SLCO3A1: variants seen among roughly 807,000 people sequenced by gnomAD.
SLCO3A1 encodes the protein PGE1 transporter.
SLCO3A1 carries 27 observed loss-of-function variants against 63.1 expected under a neutral mutation model. The ratio of observed to expected loss-of-function variants is 0.43; its 90% CI spans 0.32 to 0.59. SLCO3A1 has a LOEUF of 0.59. SLCO3A1 is among the 20% of genes least tolerant of loss of function. SLCO3A1 has a pLI of 0.09. For synonymous variants in SLCO3A1, 473 were observed against 409.9 expected, an observed-to-expected ratio of 1.15 and a Z score of -1.86; for missense variants, 773 against 945.8, an observed-to-expected ratio of 0.82 and a Z score of 2.40.
chr15:92,090,591 T>C (rs1430123193), intron 2 of SLCO3A1, among the ~76,000 whole-genome samples: 1 of 151,974 alleles, frequency 6.6e-6, no homozygotes, highest in African/African-American at 2.4e-5. Context: ...ATCCAGTCAG[T>C]CTGGATGCTG....
chr15:92,122,563 G>A (rs114748948), intron 5 of SLCO3A1, among the ~76,000 whole-genome samples: 1,581 of 152,308 alleles, frequency 0.01, 30 homozygotes, highest in African/African-American at 0.036. Context: ...GAATGCAAAT[G>A]GGTGCTGCCA....
At chr15:92,139,814 G>C (rs930275167) in intron 7 of SLCO3A1, among the ~76,000 whole-genome samples, 2 of 150,990 alleles carry the variant, frequency 1.3e-5, no homozygotes, top group African/African-American at 4.9e-5. Context: ...TGGGGGATCG[G>C]TGGTGATATC....
At chr15:92,084,615 A>G (rs1271386681) in intron 2 of SLCO3A1, among the ~76,000 whole-genome samples, 1 of 152,180 alleles carries the variant, frequency 6.6e-6, no homozygotes, top group Non-Finnish European at 1.5e-5. Context: ...AGGGGAGCTG[A>G]TAGCAGTCCC....
At chr15:92,047,039 T>A (rs1282201926) in intron 2 of SLCO3A1, among the ~76,000 whole-genome samples, 1 of 60,048 alleles carries the variant, frequency 1.7e-5, no homozygotes, top group African/African-American at 7.3e-5. Context: ...TATATATATA[T>A]AAATATATAT....
rs1567146430 is a variant in SLCO3A1, at chr15:92,147,237, CAG to C, written c.1688+80_1688+81del. 1.6e-5 allele frequency: 22 copies of C among 1,413,668 alleles called. No homozygotes were observed. In the Admixed American group the frequency reaches 4.5e-4, roughly 29 times the overall value. The allele number at this position is 1,413,668 out of a possible 1,614,324, so 87.6% of individuals were successfully genotyped here. ...GCAGGCCTCCTAGGGACCAGAGCTT[CAG>C]ACAACAGGAATCTCTCGAACCAGGT... On this transcript the variant is annotated intron_variant, in intron 8 of 9. Transcript: ENST00000318445.
rs2046899875 is a variant in SLCO3A1 at position 92,047,576 on chromosome 15, ATATAT to A, written c.647-47304_647-47300del. 1.0e-4 allele frequency among the ~76,000 whole-genome samples: 2 copies of A among 19,546 alleles called. 1 individual carries two copies. Among genetic ancestry groups the A allele is most frequent in the Non-Finnish European group, 1.7e-4 (2 of 11,690 alleles). 12.8% of individuals were successfully genotyped at this position (19,546 alleles called of 152,430 possible). Reference sequence around the variant, plus strand: ...AATATATAAATATATATATAAATATATATATAATATATATATAATATATAATATAT... The same window carrying A: ...AATATATAAATATATATATAAATATAAATATATATATAATATATAATATAT... On this transcript the variant is annotated intron_variant, in intron 2 of 9. Coordinates refer to ENST00000318445, the MANE Select transcript of SLCO3A1 (RefSeq NM_013272.4).
At chr15:91,873,124 A>G (rs137959517) in intron 1 of SLCO3A1, among the ~76,000 whole-genome samples, 2 of 152,350 alleles carry the variant, frequency 1.3e-5, no homozygotes, top group East Asian at 3.9e-4. Flanking sequence ...TACTTGTTCA[A>G]CAAGCGATCA....
intron 2 of SLCO3A1, among the ~76,000 whole-genome samples, chr15:92,032,390 G>C (rs1466141206): frequency 9.2e-5 from 14 of 152,128 alleles, no homozygotes; most frequent in Admixed American, 9.2e-4. Context: ...CAGCATTCTA[G>C]GTGGAGCGAA....
chr15:92,033,322 T>C lies in SLCO3A1; in HGVS notation c.647-61559T>C, dbSNP rs189415767. Among the ~76,000 whole-genome samples the C allele has an allele frequency of 6.6e-6, 1 of 152,320 alleles. No individual in the cohort carries two copies. The highest frequency in any genetic ancestry group is 1.9e-4 in the East Asian group (1 of 5,186). On this transcript the variant is annotated intron_variant, in intron 2 of 9. Transcript: ENST00000318445. This position sits in a 1 kb window ranked among gnomAD's most constrained non-coding sequence, Gnocchi z 4.5. ...GGATGTCCTCTTAGTATTTCTGCCCTTTGGAGAGACTTCTGCAACCCTCCT... is the reference window on the plus strand; with the variant it reads ...GGATGTCCTCTTAGTATTTCTGCCCCTTGGAGAGACTTCTGCAACCCTCCT...
At chr15:92,089,531 C>T (rs2047446604) in intron 2 of SLCO3A1, among the ~76,000 whole-genome samples, 1 of 152,134 alleles carries the variant, frequency 6.6e-6, no homozygotes, top group African/African-American at 2.4e-5. Context: ...ACTGCTATGT[C>T]CCATAGTGTT....
In SLCO3A1 at chr15:91,865,003, CGGCAGGCATTTGCCATG is replaced by C. The variant is rs1401515287; in HGVS notation, c.180+10921_180+10937del. Among the ~76,000 whole-genome samples the C allele has an allele frequency of 9.2e-5, 14 of 152,230 alleles. No individual in the cohort carries two copies. Among genetic ancestry groups the C allele is most frequent in the African/African-American group, 3.4e-4 (14 of 41,466 alleles). On this transcript the variant is annotated intron_variant, in intron 1 of 9. Transcript: ENST00000318445. This position sits in a 1 kb window ranked among gnomAD's most constrained non-coding sequence, Gnocchi z 4.6. ...AGGCCACTCCTGAGTGGGACTGTCA[CGGCAGGCATTTGCCATG>C]GGCAGTGTCCTTTCTGCCCCCTCCG...
rs1900692347 is a variant in SLCO3A1 at position 91,967,225 on chromosome 15, T to TA, written c.646+50768dup. Among the ~76,000 whole-genome samples the TA allele has an allele frequency of 6.6e-6, 1 of 152,226 alleles. No homozygotes were observed. Among genetic ancestry groups the TA allele is most frequent in the East Asian group, 1.9e-4 (1 of 5,202 alleles). On this transcript the variant is annotated intron_variant, in intron 2 of 9. Coordinates refer to ENST00000318445, the MANE Select transcript of SLCO3A1 (RefSeq NM_013272.4). This position sits in a 1 kb window ranked among gnomAD's most constrained non-coding sequence, Gnocchi z 4.4. Reference sequence around the variant, plus strand: ...TGTCTAAATAAACCCAGTGAGTTGTTACATTTTTATTCATTTAAAATATTA... The same window carrying TA: ...TGTCTAAATAAACCCAGTGAGTTGTTAACATTTTTATTCATTTAAAATATTA...
In SLCO3A1 at chr15:92,101,152, C is replaced by A. The variant is rs184616460; in HGVS notation, c.746-3127C>A. Among the ~76,000 whole-genome samples, 620 of 152,274 alleles carry A rather than the reference C, an allele frequency of 4.1e-3. 4 individuals are homozygous for A. Among genetic ancestry groups the A allele is most frequent in the African/African-American group, 0.014 (575 of 41,534 alleles). ...TGAAACAGTGTCTGTAGAGCATTGA[C>A]GGACAATTACCAACAGGTGGAGGGA... On this transcript the variant is annotated intron_variant, in intron 3 of 9. Coordinates refer to ENST00000318445, the MANE Select transcript of SLCO3A1 (RefSeq NM_013272.4).
intron 2 of SLCO3A1, among the ~76,000 whole-genome samples, chr15:92,065,278 G>A (rs914124836): frequency 2.6e-5 from 4 of 151,894 alleles, no homozygotes; most frequent in Non-Finnish European, 5.9e-5. Context: ...GTAGAGATAG[G>A]GTTTCACCAT....
intron 2 of SLCO3A1, among the ~76,000 whole-genome samples, chr15:92,074,547 A>G (rs900656022): frequency 2.0e-4 from 30 of 152,108 alleles, no homozygotes; most frequent in Admixed American, 1.8e-3. Context: ...AAGGTCTGCT[A>G]TTTACCAGTC....
intron 8 of SLCO3A1, among the ~76,000 whole-genome samples, chr15:92,148,431 A>G (rs569684013): frequency 6.6e-6 from 1 of 152,188 alleles, no homozygotes; most frequent in Non-Finnish European, 1.5e-5. Flanking sequence ...ACAAGTACTA[A>G]TGTTACCTAG....
chr15:92,132,582 T>C (rs1253207027), intron 7 of SLCO3A1, among the ~76,000 whole-genome samples: 1 of 137,900 alleles, frequency 7.3e-6, no homozygotes, highest in African/African-American at 2.6e-5. Flanking sequence ...CTGATGGCTG[T>C]AAGTTGTATC....
rs200407433 is a variant in SLCO3A1, at chr15:91,948,926, G to GT, written c.646+32481dup. Among the ~76,000 whole-genome samples the GT allele has an allele frequency of 4.7e-3, 687 of 145,206 alleles. 1 individual carries two copies. Among genetic ancestry groups the GT allele is most frequent in the African/African-American group, 8.6e-3 (341 of 39,772 alleles). Reference sequence around the variant, plus strand: ...CATCCATTTAGGAATCAATACTTTGGTTTTTTTTTTTTTACTATTATTTCT... The same window carrying GT: ...CATCCATTTAGGAATCAATACTTTGGTTTTTTTTTTTTTTACTATTATTTCT... On this transcript the variant is annotated intron_variant, in intron 2 of 9. Transcript: ENST00000318445. The surrounding 1 kb of genome is among the most constrained non-coding windows in gnomAD (Gnocchi z 4.8).
chr15:91,963,766 G>A (rs1053546946), intron 2 of SLCO3A1, among the ~76,000 whole-genome samples: 5 of 152,150 alleles, frequency 3.3e-5, no homozygotes, highest in East Asian at 1.9e-4. Context: ...ACAGACCTTC[G>A]CAGTGAGTAT....
Sources: gnomAD v4.1 joint callset for allele counts (sites outside exome capture counted in the v4.1 genomes callset) on GRCh38, gnomAD v4.1.1 for gene constraint, Gnocchi (gnomAD v3.1) non-coding constraint, MANE v1.5 for transcripts, NCBI Gene and HGNC (gene_info 2026-07-23, HGNC 2026-07-21) for gene names.